DAPK2: variants seen among roughly 807,000 people sequenced by gnomAD.
The protein encoded by DAPK2 is death associated protein kinase 2.
A neutral mutation model predicts 44.1 loss-of-function variants in DAPK2; 35 were observed. That is an observed-to-expected ratio of 0.79 (90% CI 0.61 to 1.05). The LOEUF (loss-of-function observed/expected upper bound fraction) is 1.05. Ranked by LOEUF, DAPK2 falls within the 50% of genes least tolerant of loss-of-function variation. The pLI, the probability that DAPK2 is intolerant of heterozygous loss-of-function variation, is 0.00. For synonymous variants in DAPK2, 174 were observed against 182.6 expected (o/e 0.95, Z 0.38); for missense variants, 453 against 483.2 (o/e 0.94, Z 0.59).
At chr15:64,031,599 A>C (rs1284461120) in intron 1 of DAPK2, among the ~76,000 whole-genome samples, 1 of 152,216 alleles carries the variant, frequency 6.6e-6, no homozygotes, top group Non-Finnish European at 1.5e-5. Flanking sequence ...ACAAGCAAGC[A>C]TGTGTATGAT....
intron 3 of DAPK2, among the ~76,000 whole-genome samples, chr15:63,951,442 G>A (rs1175742261): frequency 6.6e-6 from 1 of 152,138 alleles, no homozygotes; most frequent in Non-Finnish European, 1.5e-5. Flanking sequence ...TGTCAAGATA[G>A]GTGACATCGT....
In DAPK2 at chr15:63,990,316, C is replaced by A. The variant is rs770867046; in HGVS notation, c.93-6562G>T. Among the ~76,000 whole-genome samples the A allele has an allele frequency of 1.3e-5, 2 of 152,072 alleles. No individual in the cohort carries two copies. Among genetic ancestry groups the A allele is most frequent in the Admixed American group, 6.5e-5 (1 of 15,270 alleles). ...TGGTGGTGCACACCTGTAGTCCCAA[C>A]TACTCGAAGGGTGAAGCACAATAAT... is the stretch of plus-strand genomic sequence containing the variant. On this transcript the variant is annotated intron_variant, in intron 1 of 10. Coordinates refer to ENST00000261891, the Ensembl canonical transcript of DAPK2. The surrounding 1 kb of genome is among the most constrained non-coding windows in gnomAD (Gnocchi z 4.3).
intron 1 of DAPK2, among the ~76,000 whole-genome samples, chr15:63,993,252 T>C (rs539372181): frequency 1.3e-5 from 2 of 152,296 alleles, no homozygotes; most frequent in African/African-American, 4.8e-5. Flanking sequence ...AGTTTAACAC[T>C]ATTTGTGACC....
intron 1 of DAPK2, among the ~76,000 whole-genome samples, chr15:64,016,855 G>GGAAGGAAGGAAGGAGGGAAGGAAGGAA (rs2079544363): frequency 8.6e-6 from 1 of 116,652 alleles, no homozygotes; most frequent in Admixed American, 8.0e-5. Flanking sequence ...AAGGAAGGAA[G>GGAAGGAAGGAAGGAGGGAAGGAAGGAA]GAAGGAAGGA....
chr15:63,997,280 G>A (rs2078974781), intron 1 of DAPK2, among the ~76,000 whole-genome samples: 1 of 152,180 alleles, frequency 6.6e-6, no homozygotes, highest in African/African-American at 2.4e-5. Flanking sequence ...AAAGGTATGT[G>A]TCAAATCCAA....
At chr15:64,036,563 C>T (rs960941246) in intron 1 of DAPK2, among the ~76,000 whole-genome samples, 2 of 151,464 alleles carry the variant, frequency 1.3e-5, no homozygotes, top group East Asian at 1.9e-4. Flanking sequence ...TTCCTTTTGC[C>T]GTTTTGAACT....
At chr15:63,996,413 A>AGAGCAAGACCTGTTGGT (rs2078950369) in intron 1 of DAPK2, among the ~76,000 whole-genome samples, 1 of 152,242 alleles carries the variant, frequency 6.6e-6, no homozygotes, top group African/African-American at 2.4e-5. Flanking sequence ...ACTGAACTCC[A>AGAGCAAGACCTGTTGGT]GCCTGACAAC....
intron 1 of DAPK2, among the ~76,000 whole-genome samples, chr15:64,016,141 A>G (rs1264536388): frequency 6.6e-6 from 1 of 152,206 alleles, no homozygotes; most frequent in South Asian, 2.1e-4. Flanking sequence ...CATAAGCAGG[A>G]AAGTCCTCCT....
chr15:64,023,350 T>C (rs774308041), intron 1 of DAPK2, among the ~76,000 whole-genome samples: 10 of 152,136 alleles, frequency 6.6e-5, no homozygotes, highest in Non-Finnish European at 1.0e-4. Flanking sequence ...AGGATACACC[T>C]ATTAGTGGGA....
At chr15:63,932,795 G>C (rs922357937) in intron 4 of DAPK2, 1 of 152,134 alleles carries the variant, frequency 6.6e-6, no homozygotes, top group African/African-American at 2.4e-5. Context: ...TTTTGCTGCT[G>C]TTTTAGCTTT....
In DAPK2 at chr15:63,945,879, C is replaced by A. The variant is rs115183763; in HGVS notation, c.454-6518G>T. 4.8e-3 allele frequency among the ~76,000 whole-genome samples: 727 copies of A among 152,292 alleles called. 3 individuals carry two copies. The highest frequency in any genetic ancestry group is 0.017 in the African/African-American group (693 of 41,560). ...ACGTGTAAAGGCGCAGGTCTCCTGG[C>A]CCCAGGTCAGGAAGAACAGGCTGCT... On this transcript the variant is annotated intron_variant, in intron 3 of 10. Transcript: ENST00000261891.
chr15:63,915,485 G>T (rs542420451), intron 8 of DAPK2, among the ~76,000 whole-genome samples: 78 of 152,336 alleles, frequency 5.1e-4, no homozygotes, highest in Middle Eastern at 3.4e-3. Context: ...GACTCTGGGG[G>T]AGAAGAGATT....
chr15:63,966,257 A>G lies in DAPK2; in HGVS notation c.453+5166T>C, dbSNP rs1410988727. The stretch of plus-strand genomic sequence containing the variant: ...TAGGGCCTGGAATGGGGGCCTCAAG[A>G]CTCTGCCTTGTGCCCTTTCTTACTG... On this transcript the variant is annotated intron_variant, in intron 3 of 10. Coordinates refer to ENST00000261891, the Ensembl canonical transcript of DAPK2. This position sits in a 1 kb window ranked among gnomAD's most constrained non-coding sequence, Gnocchi z 5.5. Among the ~76,000 whole-genome samples the G allele has an allele frequency of 1.3e-5, 2 of 152,016 alleles. No homozygotes were observed. Among genetic ancestry groups the G allele is most frequent in the African/African-American group, 4.8e-5 (2 of 41,374 alleles).
chr15:63,940,134 T>G (rs368928874), intron 3 of DAPK2, among the ~76,000 whole-genome samples: 57 of 152,236 alleles, frequency 3.7e-4, no homozygotes, highest in African/African-American at 1.3e-3. Flanking sequence ...CTCTCCCTTC[T>G]CACTCCCACC....
At position 63,908,493 on chromosome 15, in the gene DAPK2, C is replaced by G; in HGVS notation, c.*27G>C. 5.2e-6 allele frequency: 8 copies of G among 1,528,362 alleles called. No individual in the cohort carries two copies. Among genetic ancestry groups the G allele is most frequent in the Non-Finnish European group, 7.1e-6 (8 of 1,127,644 alleles). The allele number at this position is 1,528,362 out of a possible 1,614,324, so 94.7% of individuals were successfully genotyped here. A position where few individuals can be genotyped will look rare whatever the true frequency, so the allele number is the denominator to read the frequency against. On this transcript the variant is annotated 3_prime_UTR_variant, in exon 11 of 11. Transcript: ENST00000261891. The surrounding 1 kb of genome is among the most constrained non-coding windows in gnomAD (Gnocchi z 5.7). Reference sequence around the variant, plus strand: ...GGGAGCCCCGCTGGGCCCAGACCTCCCTGGCGGCCACTGCAGGTCAGGCCA... The same window carrying G: ...GGGAGCCCCGCTGGGCCCAGACCTCGCTGGCGGCCACTGCAGGTCAGGCCA...
Position 63,917,662 on chromosome 15 carries a change from T to A in DAPK2, c.859-5465A>T, listed in dbSNP as rs2078963847. 2 of 152,146 alleles carry A rather than the reference T, an allele frequency of 1.3e-5. No homozygotes were observed. Among genetic ancestry groups the A allele is most frequent in the South Asian group, 4.1e-4 (2 of 4,830 alleles). 9.4% of individuals were successfully genotyped at this position (152,146 alleles called of 1,614,324 possible). A position where few individuals can be genotyped will look rare whatever the true frequency, so the allele number is the denominator to read the frequency against. The stretch of plus-strand genomic sequence containing the variant: ...ATCTGTGTAATCTCCCTCTCTTTAA[T>A]CTCCATTCAACTGTTCCAAGTTCCT... On this transcript the variant is annotated intron_variant, in intron 8 of 10. Transcript: ENST00000261891. This position sits in a 1 kb window ranked among gnomAD's most constrained non-coding sequence, Gnocchi z 4.4.
intron 1 of DAPK2, among the ~76,000 whole-genome samples, chr15:64,032,188 A>T (rs1268983498): frequency 6.6e-6 from 1 of 152,204 alleles, no homozygotes; most frequent in Non-Finnish European, 1.5e-5. Context: ...GGAAAACCCT[A>T]TGTGTAACAT....
At chr15:63,965,861 C>T (rs75733933) in intron 3 of DAPK2, among the ~76,000 whole-genome samples, 4,027 of 152,192 alleles carry the variant, frequency 0.026, 102 homozygotes, top group South Asian at 0.13. Flanking sequence ...GTGGGCTCCC[C>T]TTTGGCCCAG....
At chr15:63,950,962 G>A (rs926234367) in intron 3 of DAPK2, among the ~76,000 whole-genome samples, 1 of 152,170 alleles carries the variant, frequency 6.6e-6, no homozygotes. Flanking sequence ...AGGACAGCTC[G>A]CAGAATGACT....
Sources: allele counts gnomAD v4.1 joint callset (sites outside exome capture counted in the v4.1 genomes callset), GRCh38; gene constraint gnomAD v4.1.1; non-coding constraint Gnocchi (gnomAD v3.1); transcripts MANE v1.5; gene names NCBI Gene and HGNC (gene_info 2026-07-23, HGNC 2026-07-21).